Variants in RAPH1 observed in about 807,000 individuals in gnomAD.
RAPH1 encodes ras-associated and pleckstrin homology domains-containing protein 1.
RAPH1 carries 18 observed loss-of-function variants against 88.1 expected under a neutral mutation model. The ratio of observed to expected loss-of-function variants is 0.20; its 90% CI spans 0.14 to 0.30. The LOEUF (loss-of-function observed/expected upper bound fraction) is 0.30, where lower values mean the gene tolerates loss of function less well. RAPH1 is among the 10% of genes least tolerant of loss of function. RAPH1 has a pLI of 1.00. For synonymous variants in RAPH1, 587 were observed against 559.0 expected, an observed-to-expected ratio of 1.05 and a Z score of -0.71; for missense variants, 1,448 against 1,543.2, an observed-to-expected ratio of 0.94 and a Z score of 1.03.
chr2:203,470,935 C>G (rs1054656873), intron 4 of RAPH1, among the ~76,000 whole-genome samples: 1 of 152,104 alleles, frequency 6.6e-6, no homozygotes, highest in African/African-American at 2.4e-5. Flanking sequence ...ATTTGCAGAG[C>G]AAATGAATGA....
intron 4 of RAPH1, among the ~76,000 whole-genome samples, chr2:203,486,526 G>A (rs1187780205): frequency 1.3e-5 from 2 of 152,146 alleles, no homozygotes; most frequent in African/African-American, 4.8e-5. Flanking sequence ...ATGGCAATGT[G>A]TATGTAGACT....
chr2:203,520,044 G>C (rs778093332), intron 1 of RAPH1, among the ~76,000 whole-genome samples: 7 of 152,074 alleles, frequency 4.6e-5, no homozygotes, highest in Non-Finnish European at 1.0e-4. Context: ...ATATACCACA[G>C]AGGCCAGGCA....
At position 203,436,934 on chromosome 2, in the gene RAPH1, G is replaced by A. The variant is rs1373274558; in HGVS notation, c.*2503C>T. ...TTTTTTAAATTCAGTTCATACATGA[G>A]GTTAAAACATTTTTAATAGCCATTT... On this transcript the variant is annotated 3_prime_UTR_variant, in exon 14 of 14. Transcript: ENST00000319170. The A allele has an allele frequency of 6.6e-6, 1 of 152,170 alleles. No individual in the cohort carries two copies. 9.4% of individuals were successfully genotyped at this position (152,170 alleles called of 1,614,324 possible).
intron 10 of RAPH1, among the ~76,000 whole-genome samples, chr2:203,449,492 T>C (rs1042423372): frequency 6.6e-6 from 1 of 152,174 alleles, no homozygotes; most frequent in Non-Finnish European, 1.5e-5. Context: ...CAGTTGAGGC[T>C]TGGATGAGAG....
intron 1 of RAPH1, among the ~76,000 whole-genome samples, chr2:203,502,606 G>A (rs1427149158): frequency 6.9e-6 from 1 of 143,946 alleles, no homozygotes; most frequent in Non-Finnish European, 1.5e-5. Context: ...CGGATCACGA[G>A]GTCAGGAGAT....
rs1355754293 is a variant in RAPH1, at chr2:203,439,298, A to T, written c.*139T>A. 1.4e-6 allele frequency: 1 copy of T among 711,352 alleles called. No individual in the cohort carries two copies. Among genetic ancestry groups the T allele is most frequent in the African/African-American group, 1.8e-5 (1 of 56,662 alleles). The allele number at this position is 711,352 out of a possible 1,614,324, so 44.1% of individuals were successfully genotyped here. ...CAGCTGTGTGTACATGCACGTGTACACACACACATACACATATAGCTGGAC... is the reference window on the plus strand; with the variant it reads ...CAGCTGTGTGTACATGCACGTGTACTCACACACATACACATATAGCTGGAC... On this transcript the variant is annotated 3_prime_UTR_variant, in exon 14 of 14. Coordinates refer to ENST00000319170, the MANE Select transcript of RAPH1 (RefSeq NM_213589.3).
At position 203,439,105 on chromosome 2, in the gene RAPH1, T is replaced by C. The variant is rs754510175; in HGVS notation, c.*332A>G. On this transcript the variant is annotated 3_prime_UTR_variant, in exon 14 of 14. Coordinates refer to ENST00000319170, the MANE Select transcript of RAPH1 (RefSeq NM_213589.3). Reference sequence around the variant, plus strand: ...AGTTTTTGGTCCAATCCACATGATATAGAAATCTTAAGAGACAACACACAT... The same window carrying C: ...AGTTTTTGGTCCAATCCACATGATACAGAAATCTTAAGAGACAACACACAT... 10 of 231,322 alleles carry C rather than the reference T, an allele frequency of 4.3e-5. No individual in the cohort carries two copies. The highest frequency in any genetic ancestry group is 8.4e-5 in the East Asian group (1 of 11,876). The allele number at this position is 231,322 out of a possible 1,614,324, so 14.3% of individuals were successfully genotyped here. A position where few individuals can be genotyped will look rare whatever the true frequency, so the allele number is the denominator to read the frequency against.
Position 203,439,894 on chromosome 2 carries a change from G to A in RAPH1, c.3296C>T (p.Pro1099Leu), listed in dbSNP as rs1305180829. The A allele has an allele frequency of 6.2e-7, 1 of 1,614,018 alleles. No homozygotes were observed. Among genetic ancestry groups the A allele is most frequent in the Non-Finnish European group, 8.5e-7 (1 of 1,180,000 alleles). ...IPAVFSGNTS[P>L]KVAVVNPQPQ... ...TTGAGGATTAACGACTGCCACTTTT[G>A]GAGAGGTGTTTCCCGAGAAAACTGC... The change falls in exon 14 of 14, where the codon CCA (proline) becomes CTA (leucine). Residue 1099 changes from proline (P) to leucine (L), a missense_variant. Pro to Leu is a moderately conservative substitution (Grantham distance 98, BLOSUM62 -3). Around this residue, in one of 2 missense-constraint regions of RAPH1, gnomAD observed 935 missense variants for 890.1 expected, o/e 1.05. Transcript: ENST00000319170.
rs71757799 is a variant in RAPH1 at position 203,433,833 on chromosome 2, AT to A, written c.*5603del. 11,846 of 152,430 alleles carry A rather than the reference AT, an allele frequency of 0.078. 560 individuals carry two copies. The highest frequency in any genetic ancestry group is 0.1 in the Non-Finnish European group (6,942 of 67,960). 9.4% of individuals were successfully genotyped at this position (152,430 alleles called of 1,614,324 possible). A position where few individuals can be genotyped will look rare whatever the true frequency, so the allele number is the denominator to read the frequency against. Reference sequence around the variant, plus strand: ...CCCCATGTTTAAATGAAATCTATGAATTTTTTTTATTAAGGATTTGATAAGC... The same window carrying A: ...CCCCATGTTTAAATGAAATCTATGAATTTTTTTATTAAGGATTTGATAAGC... On this transcript the variant is annotated 3_prime_UTR_variant, in exon 14 of 14. Transcript: ENST00000319170.
chr2:203,489,930 T>C lies in RAPH1; in HGVS notation c.386A>G (p.Lys129Arg), dbSNP rs1688175213. 1 of 1,614,244 alleles carries C rather than the reference T, an allele frequency of 6.2e-7. No homozygotes were observed. Among genetic ancestry groups the C allele is most frequent in the Non-Finnish European group, 8.5e-7 (1 of 1,180,038 alleles). The change falls in exon 4 of 14, where the codon AAA (lysine) becomes AGA (arginine). Residue 129 changes from lysine to arginine, a missense_variant. Lys to Arg is a conservative substitution (Grantham distance 26). Transcript: ENST00000319170. ...AGATAATCCTTTCAAGGTGCCATGT[T>C]TCAATGTATGTCGGCTAACAGGCAA... ...QKLPVSRHTL[K>R]HGTLKGLSSS...
chr2:203,509,064 TA>T (rs1326085288), intron 1 of RAPH1, among the ~76,000 whole-genome samples: 48 of 136,006 alleles, frequency 3.5e-4, no homozygotes, highest in Non-Finnish European at 6.8e-4. Context: ...ATTTAAAAAA[TA>T]ATTTTTTTTT....
intron 13 of RAPH1, 42 bp downstream of exon 13, chr2:203,444,826 A>T: frequency 6.3e-7 from 1 of 1,593,726 alleles, no homozygotes; most frequent in Non-Finnish European, 8.6e-7. Flanking sequence ...ACCCAAAAGA[A>T]TACCACAGAA....
intron 4 of RAPH1, among the ~76,000 whole-genome samples, chr2:203,485,367 C>A (rs929567592): frequency 6.8e-6 from 1 of 146,874 alleles, no homozygotes; most frequent in South Asian, 2.1e-4. Flanking sequence ...GCTGAGATTG[C>A]GCCACTGCAT....
chr2:203,508,970 AC>A (rs1198449693), intron 1 of RAPH1, among the ~76,000 whole-genome samples: 1 of 151,956 alleles, frequency 6.6e-6, no homozygotes, highest in East Asian at 1.9e-4. Context: ...TACTCAGTTA[AC>A]CTTTTTAGCT....
Position 203,439,218 on chromosome 2 carries a change from T to G in RAPH1, c.*219A>C, listed in dbSNP as rs879927764. ...GAATAAATAGAATAACTCTCAGCTC[T>G]CTCTCTATATACACATACACATACA... On this transcript the variant is annotated 3_prime_UTR_variant, in exon 14 of 14. Transcript: ENST00000319170. 1.7e-4 allele frequency: 79 copies of G among 470,290 alleles called. No individual in the cohort carries two copies. The highest frequency in any genetic ancestry group is 2.3e-4 in the Non-Finnish European group (62 of 264,514). The allele number at this position is 470,290 out of a possible 1,614,324, so 29.1% of individuals were successfully genotyped here. A position where few individuals can be genotyped will look rare whatever the true frequency, so the allele number is the denominator to read the frequency against.
chr2:203,519,965 T>C (rs758994460), intron 1 of RAPH1, among the ~76,000 whole-genome samples: 2 of 152,184 alleles, frequency 1.3e-5, no homozygotes, highest in Non-Finnish European at 2.9e-5. Flanking sequence ...TTAGTCAAAA[T>C]TCTTTTAAAA....
rs780494004 is a variant in RAPH1 at position 203,477,040 on chromosome 2, C to T, written c.732+12544G>A. On this transcript the variant is annotated intron_variant, in intron 4 of 13. Transcript: ENST00000319170. ...GAGGTCTAATGAATGCATTCCTCTT[C>T]ATTAAGTCATGCCATGGCATGTTTA... is the stretch of plus-strand genomic sequence containing the variant. 14 of 1,465,990 alleles carry T rather than the reference C, an allele frequency of 9.5e-6. No homozygotes were observed. The East Asian group carries it at 3.2e-4, about 33-fold the overall frequency. 90.8% of individuals were successfully genotyped at this position (1,465,990 alleles called of 1,614,324 possible). A position where few individuals can be genotyped will look rare whatever the true frequency, so the allele number is the denominator to read the frequency against.
At chr2:203,493,201 C>T (rs1479188284) in intron 2 of RAPH1, among the ~76,000 whole-genome samples, 1 of 152,138 alleles carries the variant, frequency 6.6e-6, no homozygotes, top group African/African-American at 2.4e-5. Context: ...ATGAAAAGAA[C>T]AGTCACGTCA....
At chr2:203,503,582 G>C (rs1031992825) in intron 1 of RAPH1, among the ~76,000 whole-genome samples, 1 of 152,064 alleles carries the variant, frequency 6.6e-6, no homozygotes, top group Non-Finnish European at 1.5e-5. Flanking sequence ...GATTTGGGTG[G>C]GGACACAGCC....
Sources: gnomAD v4.1 joint callset for allele counts (sites outside exome capture counted in the v4.1 genomes callset) on GRCh38, gnomAD v4.1.1 for gene constraint, gnomAD v4.1.1 regional missense constraint, MANE v1.5 for transcripts, NCBI Gene and HGNC (gene_info 2026-07-23, HGNC 2026-07-21) for gene names.